Variants in CUBN observed in about 807,000 individuals in gnomAD.
CUBN encodes 460 kDa receptor.
A neutral mutation model predicts 405.3 loss-of-function variants in CUBN; 282 were observed. That is an observed-to-expected ratio of 0.70 (90% CI 0.63 to 0.77). The LOEUF is 0.77. Among genes scored for constraint, CUBN ranks in the 30% least tolerant of loss-of-function variants. CUBN has a pLI of 0.00. For synonymous variants in CUBN, 1,684 were observed against 1,617.0 expected, an observed-to-expected ratio of 1.04 and a Z score of -0.99; for missense variants, 4,514 against 4,475.2, an observed-to-expected ratio of 1.01 and a Z score of -0.25.
intron 59 of CUBN, among the ~76,000 whole-genome samples, chr10:16,852,901 C>A (rs1453353007): frequency 2.6e-5 from 4 of 152,114 alleles, no homozygotes; most frequent in Non-Finnish European, 5.9e-5. Context: ...CACTGCAGTC[C>A]AGTTTATATT....
intron 31 of CUBN, among the ~76,000 whole-genome samples, chr10:16,978,781 A>C (rs1833174131): frequency 6.6e-6 from 1 of 152,222 alleles, no homozygotes; most frequent in Non-Finnish European, 1.5e-5. Context: ...GTAGCCCGGA[A>C]CAAGACAAGG....
chr10:16,881,831 ATG>A (rs1840672008), intron 56 of CUBN, among the ~76,000 whole-genome samples: 1 of 152,250 alleles, frequency 6.6e-6, no homozygotes, highest in Non-Finnish European at 1.5e-5. Context: ...GAAAATGGAT[ATG>A]TGTGTCACTA....
At chr10:16,872,363 T>TATATATATATATAC (rs1249157599) in intron 58 of CUBN, among the ~76,000 whole-genome samples, 1 of 151,508 alleles carries the variant, frequency 6.6e-6, no homozygotes, top group African/African-American at 2.4e-5. Flanking sequence ...TATATATAGA[T>TATATATATATATAC]AGATAGACAG....
intron 39 of CUBN, among the ~76,000 whole-genome samples, chr10:16,933,966 G>A (rs1241206533): frequency 6.6e-6 from 1 of 152,178 alleles, no homozygotes; most frequent in Non-Finnish European, 1.5e-5. Flanking sequence ...CTCTTGCCCA[G>A]GTCCTGTGAA....
intron 66 of CUBN, among the ~76,000 whole-genome samples, chr10:16,827,232 G>C (rs567494416): frequency 2.0e-5 from 3 of 152,196 alleles, no homozygotes; most frequent in African/African-American, 7.2e-5. Context: ...TCGTGCAACG[G>C]AATACTCTCC....
At chr10:16,863,303 T>A (rs796867421) in intron 59 of CUBN, among the ~76,000 whole-genome samples, 15 of 152,356 alleles carry the variant, frequency 9.8e-5, no homozygotes, top group African/African-American at 3.4e-4. Flanking sequence ...GGTTTTTCTT[T>A]AAATGGGTTT....
At chr10:17,011,128 T>C (rs2131761821) in intron 28 of CUBN, among the ~76,000 whole-genome samples, 1 of 152,348 alleles carries the variant, frequency 6.6e-6, no homozygotes, top group South Asian at 2.1e-4. Flanking sequence ...GGTTGAGAAC[T>C]ACTGCTATGA....
chr10:16,871,821 C>A (rs1299029335), intron 58 of CUBN, among the ~76,000 whole-genome samples: 1 of 152,278 alleles, frequency 6.6e-6, no homozygotes, highest in East Asian at 1.9e-4. Context: ...GCTTGTGTAA[C>A]CACAATCTTT....
At chr10:17,113,982 G>T (rs371775646) in intron 8 of CUBN, 45 bp downstream of exon 8, 4 of 1,596,266 alleles carry the variant, frequency 2.5e-6, no homozygotes, top group Non-Finnish European at 3.4e-6. Context: ...CTGGCACCTC[G>T]CCAACCTGGC....
At chr10:17,082,143 TA>T (rs1487761043) in intron 17 of CUBN, among the ~76,000 whole-genome samples, 2 of 152,170 alleles carry the variant, frequency 1.3e-5, no homozygotes, top group Admixed American at 6.5e-5. Context: ...GCATTTGCAT[TA>T]TTTTTTTTAA....
intron 11 of CUBN, 59 bp from the exon 12 acceptor site, chr10:17,104,664 T>C: frequency 3.5e-6 from 4 of 1,150,464 alleles, no homozygotes; most frequent in Non-Finnish European, 3.9e-6. Context: ...TAAACTTTAA[T>C]CAACCCAAAT....
chr10:16,977,250 A>G (rs1833126302), intron 31 of CUBN, among the ~76,000 whole-genome samples: 2 of 152,170 alleles, frequency 1.3e-5, no homozygotes, highest in African/African-American at 4.8e-5. Flanking sequence ...GGGAACAGGC[A>G]TTCCTGTTTC....
At chr10:16,927,806 T>C (rs1404925088) in intron 41 of CUBN, among the ~76,000 whole-genome samples, 1 of 152,242 alleles carries the variant, frequency 6.6e-6, no homozygotes, top group Non-Finnish European at 1.5e-5. Flanking sequence ...GCTCCTTCGA[T>C]GAGTTATGGA....
At chr10:17,033,175 G>A (rs1373129004) in intron 27 of CUBN, among the ~76,000 whole-genome samples, 2 of 152,136 alleles carry the variant, frequency 1.3e-5, no homozygotes, top group Non-Finnish European at 2.9e-5. Flanking sequence ...TGCCCACCCT[G>A]CTCTGCAGGC....
chr10:17,015,598 C>G (rs1486523838), intron 28 of CUBN, among the ~76,000 whole-genome samples: 2 of 152,126 alleles, frequency 1.3e-5, no homozygotes, highest in Non-Finnish European at 2.9e-5. Flanking sequence ...TTTCCTGGCC[C>G]TCAATGGTTA....
intron 6 of CUBN, among the ~76,000 whole-genome samples, chr10:17,119,857 A>G (rs894994535): frequency 6.6e-6 from 1 of 152,232 alleles, no homozygotes; most frequent in African/African-American, 2.4e-5. Flanking sequence ...TTGTTCTAAA[A>G]AAGAATTTCC....
Position 17,054,331 on chromosome 10 carries a change from C to CAAA in CUBN, c.3140-6731_3140-6729dup, listed in dbSNP as rs60899709. 5.9e-4 allele frequency among the ~76,000 whole-genome samples: 77 copies of CAAA among 131,232 alleles called. 1 individual carries two copies. The highest frequency in any genetic ancestry group is 7.8e-3 in the Middle Eastern group (2 of 258). 86.1% of individuals were successfully genotyped at this position (131,232 alleles called of 152,430 possible). A position where few individuals can be genotyped will look rare whatever the true frequency, so the allele number is the denominator to read the frequency against. On this transcript the variant is annotated intron_variant, in intron 22 of 66. Transcript: ENST00000377833. ...GGGCAACGAGAGTGAAACTCCGTCT[C>CAAA]AAAAAAAAAAAAAAAACTGGGGAGG... is the stretch of plus-strand genomic sequence containing the variant.
intron 58 of CUBN, among the ~76,000 whole-genome samples, chr10:16,873,550 C>A (rs149174123): frequency 4.0e-5 from 6 of 151,714 alleles, no homozygotes; most frequent in Non-Finnish European, 2.9e-5. Context: ...GGTGAAACCC[C>A]GTCGCTACCA....
intron 14 of CUBN, among the ~76,000 whole-genome samples, chr10:17,093,931 AC>A (rs1266060289): frequency 3.9e-5 from 6 of 152,136 alleles, no homozygotes; most frequent in Non-Finnish European, 8.8e-5. Context: ...AACAGTCAAA[AC>A]CTTCAGCATA....
Sources: allele counts gnomAD v4.1 joint callset (sites outside exome capture counted in the v4.1 genomes callset), GRCh38; gene constraint gnomAD v4.1.1; transcripts MANE v1.5; gene names NCBI Gene and HGNC (gene_info 2026-07-23, HGNC 2026-07-21).